TXNDC16: variants seen among roughly 807,000 people sequenced by gnomAD.
TXNDC16 encodes thioredoxin domain containing 16, also known as thioredoxin domain-containing protein 16.
A neutral mutation model predicts 85.6 loss-of-function variants in TXNDC16; 74 were observed. The observed-to-expected ratio is 0.86, with a 90% CI of 0.72 to 1.05. The LOEUF (loss-of-function observed/expected upper bound fraction) is 1.05. TXNDC16 is among the 50% of genes least tolerant of loss of function. The pLI, the probability that TXNDC16 is intolerant of heterozygous loss-of-function variation, is 0.00. For synonymous variants in TXNDC16, 335 were observed against 326.5 expected, an observed-to-expected ratio of 1.03 and a Z score of -0.28; for missense variants, 959 against 947.0, an observed-to-expected ratio of 1.01 and a Z score of -0.17.
At position 52,431,486 on chromosome 14, in the gene TXNDC16, T is replaced by C. The variant is rs944297050; in HGVS notation, c.*818A>G. 1 of 152,190 alleles carries C rather than the reference T, an allele frequency of 6.6e-6. No homozygotes were observed. The highest frequency in any genetic ancestry group is 1.5e-5 in the Non-Finnish European group (1 of 68,030). 9.4% of individuals were successfully genotyped at this position (152,190 alleles called of 1,614,324 possible). A position where few individuals can be genotyped will look rare whatever the true frequency, so the allele number is the denominator to read the frequency against. On this transcript the variant is annotated 3_prime_UTR_variant, in exon 21 of 21. Transcript: ENST00000281741. The stretch of plus-strand genomic sequence containing the variant: ...AGGATAAGACCATCTAATACATATC[T>C]TTAATAGCCAAAATTTTTTCAAACA...
At chr14:52,529,857 TATATA>T (rs540758260) in intron 6 of TXNDC16, among the ~76,000 whole-genome samples, 1,314 of 108,162 alleles carry the variant, frequency 0.012, 30 homozygotes, top group African/African-American at 0.046. Flanking sequence ...ATACCTATTA[TATATA>T]ATATGATACC....
chr14:52,506,140 G>C (rs540979145), intron 9 of TXNDC16, among the ~76,000 whole-genome samples: 6 of 152,270 alleles, frequency 3.9e-5, no homozygotes, highest in Non-Finnish European at 2.9e-5. Context: ...AATTCTACCA[G>C]AGGTACAAGG....
intron 20 of TXNDC16, among the ~76,000 whole-genome samples, chr14:52,437,389 C>G (rs1044935001): frequency 1.3e-5 from 2 of 152,096 alleles, no homozygotes; most frequent in Non-Finnish European, 2.9e-5. Context: ...TGGACCTTAT[C>G]TCACTCTTAA....
rs75040751 is a variant in TXNDC16, at chr14:52,523,119, C to T, written c.393-3826G>A. ...CCATTCCACAGCCTGTGCTCCCTTA[C>T]TCCAGTTCCAAAGAGGAGAAATACT... On this transcript the variant is annotated intron_variant, in intron 6 of 20. Transcript: ENST00000281741. Among the ~76,000 whole-genome samples, 1,405 of 152,270 alleles carry T rather than the reference C, an allele frequency of 9.2e-3. 19 individuals carry two copies. The highest frequency in any genetic ancestry group is 0.032 in the African/African-American group (1,342 of 41,558).
In TXNDC16 at chr14:52,514,860, CAT is replaced by C; in HGVS notation, c.605+18_605+19del. On this transcript the variant is annotated intron_variant, in intron 8 of 20. Transcript: ENST00000281741. ...AAAAAAAAAACCTTTAAATTGTTGA[CAT>C]ATGCTTTTTATACATACCCAATACT... is the stretch of plus-strand genomic sequence containing the variant. 6.4e-7 allele frequency: 1 copy of C among 1,550,774 alleles called. No homozygotes were observed. The highest frequency in any genetic ancestry group is 8.8e-7 in the Non-Finnish European group (1 of 1,140,926).
At chr14:52,540,019 T>C (rs548883364) in intron 4 of TXNDC16, among the ~76,000 whole-genome samples, 1 of 152,186 alleles carries the variant, frequency 6.6e-6, no homozygotes, top group African/African-American at 2.4e-5. Context: ...GTGCATGAGA[T>C]AACCCAGAGA....
At chr14:52,462,019 T>A (rs532235927) in intron 16 of TXNDC16, among the ~76,000 whole-genome samples, 72 of 152,354 alleles carry the variant, frequency 4.7e-4, no homozygotes, top group African/African-American at 1.5e-3. Context: ...ATATTTAAGT[T>A]ACACTCTTGA....
intron 9 of TXNDC16, among the ~76,000 whole-genome samples, chr14:52,496,848 C>A (rs182185119): frequency 6.6e-6 from 1 of 151,874 alleles, no homozygotes; most frequent in Non-Finnish European, 1.5e-5. Flanking sequence ...TGACCTCAAG[C>A]GATCCACCCA....
intron 20 of TXNDC16, among the ~76,000 whole-genome samples, chr14:52,438,177 G>A (rs1356230230): frequency 6.6e-6 from 1 of 152,188 alleles, no homozygotes; most frequent in Non-Finnish European, 1.5e-5. Flanking sequence ...GACAGCAATG[G>A]ATTTAGAATA....
chr14:52,530,840 A>G (rs928288602), intron 6 of TXNDC16, among the ~76,000 whole-genome samples: 6 of 151,150 alleles, frequency 4.0e-5, no homozygotes, highest in Non-Finnish European at 8.8e-5. Flanking sequence ...AAATTTAAGT[A>G]TGCAGGCATA....
At chr14:52,499,217 C>T (rs1314975699) in intron 9 of TXNDC16, among the ~76,000 whole-genome samples, 1 of 151,964 alleles carries the variant, frequency 6.6e-6, no homozygotes, top group African/African-American at 2.4e-5. Flanking sequence ...AGTAAAACTC[C>T]TAAAAGAAAA....
At position 52,519,162 on chromosome 14, in the gene TXNDC16, T is replaced by C. The variant is rs774091782; in HGVS notation, c.514+10A>G. The C allele has an allele frequency of 6.2e-7, 1 of 1,604,228 alleles. No individual in the cohort carries two copies. Among genetic ancestry groups the C allele is most frequent in the Non-Finnish European group, 8.5e-7 (1 of 1,176,096 alleles). Reference sequence around the variant, plus strand: ...GCACAGCAAAGATTAAAGCAAAAGTTAAAGAATACCTGGTATTCCAATGGC... The same window carrying C: ...GCACAGCAAAGATTAAAGCAAAAGTCAAAGAATACCTGGTATTCCAATGGC... On this transcript the variant is annotated intron_variant, in intron 7 of 20. Transcript: ENST00000281741.
chr14:52,445,552 AG>A, intron 18 of TXNDC16, among the ~76,000 whole-genome samples: 1 of 152,362 alleles, frequency 6.6e-6, no homozygotes, highest in Admixed American at 6.5e-5. Flanking sequence ...AACTAAAATC[AG>A]GTAACACAGG....
In TXNDC16 at chr14:52,508,266, G is replaced by A. The variant is rs146990732; in HGVS notation, c.756+2974C>T. On this transcript the variant is annotated intron_variant, in intron 9 of 20. Coordinates refer to ENST00000281741, the MANE Select transcript of TXNDC16 (RefSeq NM_020784.3). ...AACAAGTGGGCGAAGGATATGAATAGACACTTCTCAAAAGAAGACATTTAT... is the reference window on the plus strand; with the variant it reads ...AACAAGTGGGCGAAGGATATGAATAAACACTTCTCAAAAGAAGACATTTAT... Among the ~76,000 whole-genome samples the A allele has an allele frequency of 7.4e-3, 1,120 of 152,296 alleles. 52 individuals are homozygous for A. The East Asian group carries it at 0.14, about 19-fold the overall frequency.
intron 11 of TXNDC16, among the ~76,000 whole-genome samples, chr14:52,489,502 G>A (rs919666488): frequency 6.6e-6 from 1 of 151,808 alleles, no homozygotes; most frequent in Non-Finnish European, 1.5e-5. Flanking sequence ...CATTATATTC[G>A]AAACGAGCAA....
At chr14:52,433,303 T>G (rs1420928547) in intron 20 of TXNDC16, among the ~76,000 whole-genome samples, 5 of 152,154 alleles carry the variant, frequency 3.3e-5, no homozygotes, top group Non-Finnish European at 7.4e-5. Context: ...GAAAACTGAT[T>G]AAGGCTGATA....
chr14:52,498,195 C>G (rs1469608075), intron 9 of TXNDC16, among the ~76,000 whole-genome samples: 1 of 152,094 alleles, frequency 6.6e-6, no homozygotes. Flanking sequence ...ATATCATATT[C>G]AATGGTTAAA....
At position 52,536,728 on chromosome 14, in the gene TXNDC16, T is replaced by C. The variant is rs369861572; in HGVS notation, c.383A>G (p.His128Arg). The C allele has an allele frequency of 5.2e-5, 83 of 1,610,084 alleles. No individual in the cohort carries two copies. The highest frequency in any genetic ancestry group is 6.8e-5 in the Non-Finnish European group (80 of 1,177,572). Reference protein sequence around the residue: ...TLFDVNAIVAHVLFALLFSEV... With the variant: ...TLFDVNAIVARVLFALLFSEV... ...TAGCCCCTGTACTTACAAGAGAACA[T>C]GGGCGACAATGGCATTCACATCAAA... The change falls in exon 6 of 21, where the codon CAT (histidine) becomes CGT (arginine). Residue 128 changes from histidine to arginine, a missense_variant. Transcript: ENST00000281741.
chr14:52,486,050 TTACATTCTCAATACCAAAC>T (rs1427228504), intron 12 of TXNDC16, among the ~76,000 whole-genome samples: 1 of 152,114 alleles, frequency 6.6e-6, no homozygotes, highest in Non-Finnish European at 1.5e-5. Flanking sequence ...ACACTAAAAA[TTACATTCTCAATACCAAAC>T]TTAGTAAAGA....
Sources: gnomAD v4.1 joint callset for allele counts (sites outside exome capture counted in the v4.1 genomes callset) on GRCh38, gnomAD v4.1.1 for gene constraint, MANE v1.5 for transcripts, NCBI Gene and HGNC (gene_info 2026-07-23, HGNC 2026-07-21) for gene names.